Variants in COP1 observed in about 807,000 individuals in gnomAD.
COP1 encodes COP1 E3 ubiquitin ligase, also known as E3 ubiquitin-protein ligase COP1.
COP1 carries 24 observed loss-of-function variants against 101.3 expected under a neutral mutation model. The observed-to-expected ratio is 0.24, with a 90% CI of 0.17 to 0.33. COP1 has a LOEUF of 0.33. Ranked by LOEUF, COP1 falls within the 10% of genes least tolerant of loss-of-function variation. COP1 has a pLI of 1.00. For synonymous variants in COP1, 347 were observed against 341.9 expected, an observed-to-expected ratio of 1.01 and a Z score of -0.17; for missense variants, 663 against 906.2, an observed-to-expected ratio of 0.73 and a Z score of 3.45.
chr1:176,165,866 T>TC (rs1695060959), intron 3 of COP1, among the ~76,000 whole-genome samples: 2 of 151,946 alleles, frequency 1.3e-5, no homozygotes, highest in Admixed American at 6.6e-5. Context: ...GTGATTATAA[T>TC]CCAGATAAAG....
chr1:176,074,791 G>GGA (rs1261401398), intron 11 of COP1, among the ~76,000 whole-genome samples: 1 of 107,290 alleles, frequency 9.3e-6, no homozygotes, highest in Non-Finnish European at 2.0e-5. Context: ...TTTCAGGAAT[G>GGA]AAAAAAAAAA....
At chr1:176,101,924 C>A (rs1040021088) in intron 9 of COP1, among the ~76,000 whole-genome samples, 1 of 152,130 alleles carries the variant, frequency 6.6e-6, no homozygotes, top group Non-Finnish European at 1.5e-5. Context: ...ATCCTTATGG[C>A]AGTTAGATAT....
At chr1:176,061,401 C>A (rs1674813556) in intron 11 of COP1, among the ~76,000 whole-genome samples, 2 of 152,100 alleles carry the variant, frequency 1.3e-5, no homozygotes, top group Admixed American at 1.3e-4. Context: ...CCGAGGTGGG[C>A]AGATCACCTG....
Position 176,008,307 on chromosome 1 carries a change from C to T in COP1, c.1730-18828G>A, listed in dbSNP as rs977274495. 7.9e-5 allele frequency among the ~76,000 whole-genome samples: 12 copies of T among 152,180 alleles called. 1 individual carries two copies. The highest frequency in any genetic ancestry group is 1.2e-4 in the African/African-American group (5 of 41,450). ...AAATGCAGAAATCACCCATCTTCTG[C>T]GTTGCTCATGCTGGGAGCTGTAGAC... On this transcript the variant is annotated intron_variant, in intron 15 of 19. Coordinates refer to ENST00000367669, the MANE Select transcript of COP1 (RefSeq NM_022457.7).
intron 5 of COP1, among the ~76,000 whole-genome samples, chr1:176,161,993 T>C (rs1023875661): frequency 6.6e-6 from 1 of 152,088 alleles, no homozygotes; most frequent in African/African-American, 2.4e-5. Context: ...AACATACATA[T>C]AAACCAAGAG....
Position 175,945,013 on chromosome 1 carries a change from G to GA in COP1, c.*139dup, listed in dbSNP as rs928408734. The GA allele has an allele frequency of 8.4e-5, 60 of 715,816 alleles. No individual in the cohort carries two copies. The highest frequency in any genetic ancestry group is 1.2e-4 in the Non-Finnish European group (53 of 425,304). The allele number at this position is 715,816 out of a possible 1,614,324, so 44.3% of individuals were successfully genotyped here. On this transcript the variant is annotated 3_prime_UTR_variant, in exon 20 of 20. Transcript: ENST00000367669. ...TCATAAAGGAGGGAAAAGAAAAAAAGAAAAAAATATTCAAAACAAATCCAA... is the reference window on the plus strand; with the variant it reads ...TCATAAAGGAGGGAAAAGAAAAAAAGAAAAAAAATATTCAAAACAAATCCAA...
intron 15 of COP1, among the ~76,000 whole-genome samples, chr1:176,008,242 C>G (rs1270623555): frequency 6.6e-6 from 1 of 152,222 alleles, no homozygotes; most frequent in East Asian, 1.9e-4. Context: ...CACCCACTGT[C>G]TGGCACTTCC....
At chr1:176,107,439 G>A (rs1472229257) in intron 9 of COP1, among the ~76,000 whole-genome samples, 6 of 152,048 alleles carry the variant, frequency 3.9e-5, no homozygotes, top group Middle Eastern at 3.2e-3. Flanking sequence ...AAGAATGATA[G>A]AAATATGTCA....
At chr1:175,949,077 T>C (rs973866677) in intron 18 of COP1, among the ~76,000 whole-genome samples, 1 of 141,692 alleles carries the variant, frequency 7.1e-6, no homozygotes, top group Middle Eastern at 3.7e-3. Flanking sequence ...GCAGGGGAAG[T>C]GCTTGAACCT....
chr1:176,018,472 AAAG>A (rs1023912047), intron 15 of COP1: 2 of 152,170 alleles, frequency 1.3e-5, no homozygotes, highest in Non-Finnish European at 2.9e-5. Flanking sequence ...AAAACAGATT[AAAG>A]AAGAGCTGCT....
chr1:176,190,996 C>T (rs1404948354), intron 1 of COP1, among the ~76,000 whole-genome samples: 14 of 151,976 alleles, frequency 9.2e-5, no homozygotes, highest in Non-Finnish European at 1.9e-4. Flanking sequence ...GCAGTAGTTA[C>T]ACCTCACATA....
intron 9 of COP1, among the ~76,000 whole-genome samples, chr1:176,102,776 A>G (rs1683634851): frequency 1.3e-5 from 2 of 152,200 alleles, no homozygotes; most frequent in South Asian, 4.1e-4. Flanking sequence ...AGTGCTTGAG[A>G]TATTTTGCAG....
intron 1 of COP1, 55 bp downstream of exon 1, chr1:176,206,517 T>G: frequency 2.2e-6 from 3 of 1,394,896 alleles, no homozygotes; most frequent in Non-Finnish European, 3.0e-6. Context: ...CCCCCAAGCC[T>G]AAGCGGCAGA....
intron 11 of COP1, 34 bp downstream of exon 11, chr1:176,081,118 T>C: frequency 6.5e-7 from 1 of 1,533,244 alleles, no homozygotes; most frequent in East Asian, 2.3e-5. Flanking sequence ...TAGACATTCT[T>C]ACAAAAGAAA....
intron 3 of COP1, chr1:176,168,634 G>A: frequency 4.4e-6 from 1 of 224,732 alleles, no homozygotes; most frequent in Non-Finnish European, 9.4e-6. Context: ...GGGGAGGGGT[G>A]GTAATGGAGG....
rs139900138 is a variant in COP1, at chr1:176,105,642, C to T, written c.1026+10982G>A. On this transcript the variant is annotated intron_variant, in intron 9 of 19. Coordinates refer to ENST00000367669, the MANE Select transcript of COP1 (RefSeq NM_022457.7). ...ATGGTAGAATAGCATGGATTGACCT[C>T]AGCTTGTATGGACTGACCACTGACC... Among the ~76,000 whole-genome samples, 399 of 152,254 alleles carry T rather than the reference C, an allele frequency of 2.6e-3. 3 individuals are homozygous for T. The highest frequency in any genetic ancestry group is 9.2e-3 in the African/African-American group (381 of 41,560).
intron 15 of COP1, among the ~76,000 whole-genome samples, chr1:175,995,282 A>C (rs1659848416): frequency 6.6e-6 from 1 of 152,232 alleles, no homozygotes; most frequent in Non-Finnish European, 1.5e-5. Flanking sequence ...AAATGCTCAC[A>C]AGACAAAGCA....
intron 15 of COP1, among the ~76,000 whole-genome samples, chr1:175,999,800 T>C (rs1342133211): frequency 6.6e-6 from 1 of 152,122 alleles, no homozygotes; most frequent in African/African-American, 2.4e-5. Flanking sequence ...GGATAAGTCA[T>C]TTTAACTGGG....
intron 15 of COP1, among the ~76,000 whole-genome samples, chr1:176,004,489 T>G (rs9699997): frequency 0.86 from 120,381 of 140,032 alleles, 53,962 homozygotes; most frequent in Non-Finnish European, 0.98. Flanking sequence ...GCTGTGGGTT[T>G]GTCATAGATA....
Sources: allele counts gnomAD v4.1 joint callset (sites outside exome capture counted in the v4.1 genomes callset), GRCh38; gene constraint gnomAD v4.1.1; transcripts MANE v1.5; gene names NCBI Gene and HGNC (gene_info 2026-07-23, HGNC 2026-07-21).